The following NAALADL2 variants were observed in gnomAD, a reference collection of about 807,000 sequenced individuals.
NAALADL2 encodes the protein inactive N-acetylated-alpha-linked acidic dipeptidase-like protein 2.
A neutral mutation model predicts 87.2 loss-of-function variants in NAALADL2; 76 were observed. That is an observed-to-expected ratio of 0.87 (90% confidence interval 0.72 to 1.05). The LOEUF is 1.05. Among genes scored for constraint, NAALADL2 ranks in the 50% least tolerant of loss-of-function variants. The probability of loss-of-function intolerance (pLI) is 0.00; values close to 1 mark genes in which losing one functional copy is unlikely to be tolerated. For synonymous variants in NAALADL2, 354 were observed against 331.0 expected, an observed-to-expected ratio of 1.07 and a Z score of -0.75; for missense variants, 1,089 against 945.8, an observed-to-expected ratio of 1.15 and a Z score of -1.99.
rs953630793 is a variant in NAALADL2, at chr3:175,362,053, A to G, written c.1090+37728A>G. On this transcript the variant is annotated intron_variant, in intron 5 of 13. Transcript: ENST00000454872. Reference sequence around the variant, plus strand: ...TTGAATTAATTTTTGTATAAGGTGTAAGGAAGGGATCCAGTTTCAGCTTTC... The same window carrying G: ...TTGAATTAATTTTTGTATAAGGTGTGAGGAAGGGATCCAGTTTCAGCTTTC... Among the ~76,000 whole-genome samples, 3 of 148,280 alleles carry G rather than the reference A, an allele frequency of 2.0e-5. 1 individual carries two copies. The highest frequency in any genetic ancestry group is 4.9e-5 in the African/African-American group (2 of 40,816).
chr3:175,803,463 T>C lies in NAALADL2; in HGVS notation c.*260T>C. Reference sequence around the variant, plus strand: ...AAGAATTACCTATTAAAAAGAAATCTGATATATAAAAATATGTACTATTTT... The same window carrying C: ...AAGAATTACCTATTAAAAAGAAATCCGATATATAAAAATATGTACTATTTT... On this transcript the variant is annotated 3_prime_UTR_variant, in exon 14 of 14. Coordinates refer to ENST00000454872, the MANE Select transcript of NAALADL2 (RefSeq NM_207015.3). 4.1e-6 allele frequency: 1 copy of C among 241,792 alleles called. No individual in the cohort carries two copies. The highest frequency in any genetic ancestry group is 8.3e-5 in the East Asian group (1 of 12,034). 15.0% of individuals were successfully genotyped at this position (241,792 alleles called of 1,614,324 possible). A position where few individuals can be genotyped will look rare whatever the true frequency, so the allele number is the denominator to read the frequency against.
intron 4 of NAALADL2, among the ~76,000 whole-genome samples, chr3:175,289,394 C>T (rs58713608): frequency 0.037 from 5,611 of 152,094 alleles, 297 homozygotes; most frequent in African/African-American, 0.13. Context: ...AGTCCAGAAA[C>T]TGGTATGCAC....
At chr3:175,029,626 G>A (rs1752594632) in intron 1 of NAALADL2, among the ~76,000 whole-genome samples, 2 of 152,018 alleles carry the variant, frequency 1.3e-5, no homozygotes, top group African/African-American at 2.4e-5. Flanking sequence ...CTATGCAAGT[G>A]TATTAAATTT....
At chr3:175,256,035 G>A (rs1003833403) in intron 3 of NAALADL2, among the ~76,000 whole-genome samples, 1 of 152,174 alleles carries the variant, frequency 6.6e-6, no homozygotes, top group Non-Finnish European at 1.5e-5. Context: ...TCAAGCCTGA[G>A]CATTATATAA....
intron 3 of NAALADL2, among the ~76,000 whole-genome samples, chr3:174,844,766 A>T (rs1232050531): frequency 6.7e-6 from 1 of 149,308 alleles, no homozygotes; most frequent in Admixed American, 6.7e-5. Flanking sequence ...GCATATATAA[A>T]TGCTACTGAT....
chr3:174,558,228 G>A (rs151016864), intron 2 of NAALADL2, among the ~76,000 whole-genome samples: 1 of 152,088 alleles, frequency 6.6e-6, no homozygotes, highest in Non-Finnish European at 1.5e-5. Context: ...GGCCTGCTGG[G>A]TAATTCTTTC....
At chr3:175,250,669 A>G (rs1748896366) in intron 3 of NAALADL2, among the ~76,000 whole-genome samples, 1 of 152,188 alleles carries the variant, frequency 6.6e-6, no homozygotes, top group Admixed American at 6.5e-5. Context: ...ATCTAGTGCC[A>G]TCCTTGAATT....
intron 1 of NAALADL2, among the ~76,000 whole-genome samples, chr3:174,471,260 G>T (rs939572895): frequency 1.3e-5 from 2 of 151,044 alleles, no homozygotes; most frequent in African/African-American, 4.9e-5. Context: ...AATCCCTTTG[G>T]GTCCTTTAAA....
chr3:175,255,255 C>G (rs1581139798), intron 3 of NAALADL2, among the ~76,000 whole-genome samples: 1 of 152,098 alleles, frequency 6.6e-6, no homozygotes, highest in Non-Finnish European at 1.5e-5. Context: ...ATATTTCATG[C>G]CAGAAATATT....
At chr3:174,637,613 A>G (rs1435191192) in intron 2 of NAALADL2, among the ~76,000 whole-genome samples, 1 of 152,090 alleles carries the variant, frequency 6.6e-6, no homozygotes, top group Non-Finnish European at 1.5e-5. Flanking sequence ...ACACTGTCCA[A>G]ATATAGGAGA....
At chr3:174,511,000 C>CAT (rs1719566320) in intron 1 of NAALADL2, among the ~76,000 whole-genome samples, 1 of 151,728 alleles carries the variant, frequency 6.6e-6, no homozygotes, top group Non-Finnish European at 1.5e-5. Flanking sequence ...TGGGATTTTC[C>CAT]ATATATATTT....
At chr3:175,125,993 C>T (rs2108595503) in intron 2 of NAALADL2, among the ~76,000 whole-genome samples, 1 of 152,152 alleles carries the variant, frequency 6.6e-6, no homozygotes, top group Non-Finnish European at 1.5e-5. Context: ...AAATCCAAAA[C>T]AGCCAAAATT....
intron 1 of NAALADL2, among the ~76,000 whole-genome samples, chr3:174,962,652 A>G (rs1328589963): frequency 6.6e-6 from 1 of 151,886 alleles, no homozygotes; most frequent in Non-Finnish European, 1.5e-5. Flanking sequence ...TCAGAGAGAT[A>G]ACTGCCTTCT....
intron 4 of NAALADL2, among the ~76,000 whole-genome samples, chr3:175,276,761 A>G (rs1339106534): frequency 6.6e-6 from 1 of 152,160 alleles, no homozygotes; most frequent in African/African-American, 2.4e-5. Context: ...AAATATATAC[A>G]TTCTTATTTA....
At chr3:175,531,828 A>T (rs922452609) in intron 9 of NAALADL2, among the ~76,000 whole-genome samples, 3 of 152,234 alleles carry the variant, frequency 2.0e-5, no homozygotes, top group Non-Finnish European at 4.4e-5. Context: ...TCATTCTCCA[A>T]GATCCATCTG....
intron 1 of NAALADL2, among the ~76,000 whole-genome samples, chr3:174,882,982 T>C (rs1461476851): frequency 6.6e-6 from 1 of 151,800 alleles, no homozygotes; most frequent in African/African-American, 2.4e-5. Flanking sequence ...GGTTTCGCAA[T>C]AGCCCGTCTG....
At chr3:175,761,349 T>C (rs1472882834) in intron 13 of NAALADL2, among the ~76,000 whole-genome samples, 1 of 152,244 alleles carries the variant, frequency 6.6e-6, no homozygotes, top group African/African-American at 2.4e-5. Flanking sequence ...TGTAGCAATA[T>C]GCAGTGCATT....
intron 1 of NAALADL2, among the ~76,000 whole-genome samples, chr3:175,030,315 G>A (rs1336657286): frequency 6.6e-6 from 1 of 151,972 alleles, no homozygotes; most frequent in Non-Finnish European, 1.5e-5. Context: ...TGTACAAGTT[G>A]CTTATAGACG....
At chr3:174,475,307 GA>G (rs1190223533) in intron 1 of NAALADL2, among the ~76,000 whole-genome samples, 2 of 151,640 alleles carry the variant, frequency 1.3e-5, no homozygotes, top group Non-Finnish European at 3.0e-5. Context: ...AAAAGTGAAA[GA>G]AAAAACTATT....
Sources: gnomAD v4.1 joint callset for allele counts (sites outside exome capture counted in the v4.1 genomes callset) on GRCh38, gnomAD v4.1.1 for gene constraint, MANE v1.5 for transcripts, NCBI Gene and HGNC (gene_info 2026-07-23, HGNC 2026-07-21) for gene names.